The following PTPRT variants were observed in gnomAD, a reference collection of about 807,000 sequenced individuals.
PTPRT encodes protein tyrosine phosphatase receptor type T.
PTPRT carries 56 observed loss-of-function variants against 176.8 expected under a neutral mutation model. The observed-to-expected ratio is 0.32, with a 90% CI of 0.26 to 0.40. The LOEUF is 0.40. PTPRT is among the 10% of genes least tolerant of loss of function. PTPRT has a pLI of 1.00. For synonymous variants in PTPRT, 783 were observed against 739.0 expected, an observed-to-expected ratio of 1.06 and a Z score of -0.96; for missense variants, 1,540 against 1,908.2, an observed-to-expected ratio of 0.81 and a Z score of 3.60.
At chr20:42,059,960 C>T in the PTPRT span, among the ~76,000 whole-genome samples, 1 of 152,102 alleles carries the variant, frequency 6.6e-6, no homozygotes, top group Non-Finnish European at 1.5e-5. Context: ...TGGAATCTCC[C>T]AGGGCCCTTC....
chr20:42,654,638 C>T (rs183262330), intron 7 of PTPRT, among the ~76,000 whole-genome samples: 4 of 152,304 alleles, frequency 2.6e-5, no homozygotes, highest in African/African-American at 9.6e-5. Flanking sequence ...TCCTGTGTAC[C>T]TATCATGTTC....
At chr20:42,303,840 G>GTTC (rs1466232986) in intron 12 of PTPRT, among the ~76,000 whole-genome samples, 10 of 152,112 alleles carry the variant, frequency 6.6e-5, no homozygotes, top group Non-Finnish European at 2.9e-5. Flanking sequence ...ACTTGGTGAT[G>GTTC]GCTGAATATA....
At chr20:42,456,237 T>A (rs191257486) in intron 8 of PTPRT, among the ~76,000 whole-genome samples, 4 of 152,216 alleles carry the variant, frequency 2.6e-5, no homozygotes, top group African/African-American at 9.6e-5. Flanking sequence ...CTTTTTAATG[T>A]TAATGTCTTG....
intron 7 of PTPRT, among the ~76,000 whole-genome samples, chr20:42,611,970 G>T (rs773816848): frequency 2.6e-5 from 4 of 152,006 alleles, no homozygotes; most frequent in Non-Finnish European, 5.9e-5. Flanking sequence ...TCAAAAAATC[G>T]TAATGAACAG....
chr20:43,094,878 A>T (rs1323906234), intron 1 of PTPRT, among the ~76,000 whole-genome samples: 1 of 152,172 alleles, frequency 6.6e-6, no homozygotes, highest in African/African-American at 2.4e-5. Context: ...AGGGGCTAAC[A>T]GGGGTGTGCA....
chr20:42,704,731 C>T (rs1033513546), intron 6 of PTPRT, among the ~76,000 whole-genome samples: 7 of 152,240 alleles, frequency 4.6e-5, no homozygotes, highest in Admixed American at 6.5e-5. Context: ...CCCATCACAC[C>T]GAACTGTAAT....
At chr20:42,327,917 T>C (rs1476977834) in intron 11 of PTPRT, among the ~76,000 whole-genome samples, 1 of 152,068 alleles carries the variant, frequency 6.6e-6, no homozygotes, top group Non-Finnish European at 1.5e-5. Flanking sequence ...TTAAAAATCA[T>C]ATCAGGTACA....
chr20:43,068,271 G>A (rs567080320), intron 1 of PTPRT, among the ~76,000 whole-genome samples: 10 of 149,576 alleles, frequency 6.7e-5, no homozygotes, highest in South Asian at 2.2e-4. Flanking sequence ...TTGGGAGGCC[G>A]AGGCAGGCGG....
At chr20:42,209,893 C>G (rs971763820) in intron 15 of PTPRT, among the ~76,000 whole-genome samples, 1 of 152,066 alleles carries the variant, frequency 6.6e-6, no homozygotes, top group Non-Finnish European at 1.5e-5. Flanking sequence ...ATGCAAAAAT[C>G]CTCAATAAAA....
chr20:42,679,292 A>C (rs1225341234), intron 6 of PTPRT, among the ~76,000 whole-genome samples: 1 of 148,852 alleles, frequency 6.7e-6, no homozygotes, highest in Non-Finnish European at 1.5e-5. Flanking sequence ...CCTTAACTTT[A>C]ATGGGGAAAA....
At chr20:42,815,271 C>T (rs944067009) in intron 2 of PTPRT, among the ~76,000 whole-genome samples, 1 of 152,098 alleles carries the variant, frequency 6.6e-6, no homozygotes, top group African/African-American at 2.4e-5. Context: ...ATTGTGTCCT[C>T]TTATGTTCAA....
At chr20:42,760,169 G>A (rs1047394016) in intron 5 of PTPRT, among the ~76,000 whole-genome samples, 19 of 152,156 alleles carry the variant, frequency 1.2e-4, no homozygotes, top group African/African-American at 4.6e-4. Context: ...CTGGGAAAAG[G>A]AAGCTGTGAG....
At chr20:42,840,322 T>C (rs889383760) in intron 2 of PTPRT, among the ~76,000 whole-genome samples, 1 of 152,196 alleles carries the variant, frequency 6.6e-6, no homozygotes, top group African/African-American at 2.4e-5. Context: ...ACTAATTACA[T>C]CTGCAATGAC....
At chr20:42,767,751 TAA>T (rs968461074) in intron 5 of PTPRT, among the ~76,000 whole-genome samples, 6 of 146,190 alleles carry the variant, frequency 4.1e-5, no homozygotes, top group South Asian at 2.1e-4. Flanking sequence ...GAGTGCTATA[TAA>T]AGATTATATA....
Position 42,110,296 on chromosome 20 carries a change from C to T in PTPRT, c.3254+37G>A, listed in dbSNP as rs377345583. The T allele has an allele frequency of 1.4e-5, 22 of 1,556,314 alleles. No individual in the cohort carries two copies. The African/African-American group carries it at 1.8e-4, about 12-fold the overall frequency. On this transcript the variant is annotated intron_variant, in intron 23 of 30. Coordinates refer to ENST00000373187, the MANE Select transcript of PTPRT (RefSeq NM_007050.6). ...CGAACTCCTGACCTCGTGATCTGCC[C>T]GCCTCGGCCTCCCAAGGTGAAGGAC...
intron 3 of PTPRT, 75 bp downstream of exon 3, chr20:42,791,120 G>A (rs985582153): frequency 1.2e-5 from 18 of 1,485,452 alleles, no homozygotes; most frequent in Middle Eastern, 3.7e-4. Context: ...TCTAGACCTA[G>A]CACCTGTAGG....
chr20:42,190,430 T>C (rs1193821725), intron 16 of PTPRT, among the ~76,000 whole-genome samples: 1 of 152,174 alleles, frequency 6.6e-6, no homozygotes, highest in Non-Finnish European at 1.5e-5. Flanking sequence ...AGTACTCCTA[T>C]GGCAATAACC....
intron 1 of PTPRT, among the ~76,000 whole-genome samples, chr20:43,141,775 C>T (rs1460088791): frequency 6.6e-6 from 1 of 152,142 alleles, no homozygotes; most frequent in Admixed American, 6.5e-5. Flanking sequence ...AATAGAACAG[C>T]TCTCAATTAC....
At chr20:42,385,802 C>T (rs1339767429) in intron 9 of PTPRT, among the ~76,000 whole-genome samples, 1 of 152,074 alleles carries the variant, frequency 6.6e-6, no homozygotes, top group African/African-American at 2.4e-5. Flanking sequence ...ACCATGAGAA[C>T]AGTATGGGAG....
Sources: allele counts gnomAD v4.1 joint callset (sites outside exome capture counted in the v4.1 genomes callset), GRCh38; gene constraint gnomAD v4.1.1; transcripts MANE v1.5; gene names NCBI Gene and HGNC (gene_info 2026-07-23, HGNC 2026-07-21).